The following CNBD1 variants were observed in gnomAD, a reference collection of about 807,000 sequenced individuals.
The protein encoded by CNBD1 is cyclic nucleotide-binding domain-containing protein 1.
CNBD1 carries 71 observed loss-of-function variants against 54.4 expected under a neutral mutation model. The ratio of observed to expected loss-of-function variants is 1.30; its 90% CI spans 1.08 to 1.59. CNBD1 has a LOEUF of 1.59. Among genes scored for constraint, CNBD1 ranks in the 40% most tolerant of loss-of-function variants. The pLI is 0.00. For missense variants in CNBD1, 659 were observed against 518.0 expected (o/e 1.27, Z -2.64); for synonymous variants, 182 against 170.7 (o/e 1.07, Z -0.51).
chr8:87,377,483 C>T (rs1489291388), intron 10 of CNBD1, among the ~76,000 whole-genome samples: 22 of 152,002 alleles, frequency 1.4e-4, no homozygotes, highest in Non-Finnish European at 1.5e-5. Context: ...GACATGAACT[C>T]ATCATTTTGT....
At chr8:87,259,614 C>T (rs1342780037) in intron 6 of CNBD1, among the ~76,000 whole-genome samples, 1 of 152,134 alleles carries the variant, frequency 6.6e-6, no homozygotes, top group Non-Finnish European at 1.5e-5. Flanking sequence ...ATAAACATTA[C>T]ATACACAACA....
chr8:87,067,552 C>T (rs1810679396), intron 4 of CNBD1, among the ~76,000 whole-genome samples: 1 of 151,764 alleles, frequency 6.6e-6, no homozygotes, highest in South Asian at 2.1e-4. Context: ...TTTAATGAAC[C>T]AAATACGGAA....
intron 1 of CNBD1, among the ~76,000 whole-genome samples, chr8:86,868,742 C>T (rs552093762): frequency 3.9e-5 from 6 of 152,210 alleles, no homozygotes; most frequent in South Asian, 2.1e-4. Flanking sequence ...TCTATGTCTT[C>T]GGTGGACAGA....
intron 4 of CNBD1, among the ~76,000 whole-genome samples, chr8:87,120,159 G>A (rs1563476392): frequency 6.6e-6 from 1 of 151,920 alleles, no homozygotes; most frequent in Non-Finnish European, 1.5e-5. Context: ...ATTAGTATTA[G>A]TTCTTTGTAT....
Position 87,080,764 on chromosome 8 carries a change from A to T in CNBD1, c.432-125229A>T, listed in dbSNP as rs111739076. Among the ~76,000 whole-genome samples, 374 of 152,204 alleles carry T rather than the reference A, an allele frequency of 2.5e-3. 4 individuals carry two copies. The highest frequency in any genetic ancestry group is 8.5e-3 in the African/African-American group (354 of 41,540). On this transcript the variant is annotated intron_variant, in intron 4 of 10. Coordinates refer to ENST00000518476, the MANE Select transcript of CNBD1 (RefSeq NM_173538.3). Reference sequence around the variant, plus strand: ...AGATATTGGACTATATACTTCTCTGAGCTAAGGTAGTTTGAGTCTTTCATT... The same window carrying T: ...AGATATTGGACTATATACTTCTCTGTGCTAAGGTAGTTTGAGTCTTTCATT...
chr8:87,215,513 G>A (rs1233779587), intron 5 of CNBD1, among the ~76,000 whole-genome samples: 5 of 151,686 alleles, frequency 3.3e-5, no homozygotes, highest in East Asian at 3.9e-4. Context: ...GTGTGAACCC[G>A]GGAGGCGGAG....
intron 8 of CNBD1, among the ~76,000 whole-genome samples, chr8:87,306,692 A>T (rs1171550764): frequency 2.0e-5 from 3 of 152,052 alleles, no homozygotes; most frequent in Non-Finnish European, 4.4e-5. Flanking sequence ...GTTCTCACCG[A>T]TATGTCGGAA....
At chr8:87,211,571 A>G (rs1814099250) in intron 5 of CNBD1, among the ~76,000 whole-genome samples, 1 of 152,102 alleles carries the variant, frequency 6.6e-6, no homozygotes, top group African/African-American at 2.4e-5. Flanking sequence ...ATAGTGAGTG[A>G]GTTCTCACAA....
intron 4 of CNBD1, among the ~76,000 whole-genome samples, chr8:87,177,435 T>C (rs776622488): frequency 3.3e-5 from 5 of 152,230 alleles, no homozygotes; most frequent in Non-Finnish European, 4.4e-5. Flanking sequence ...CTCTAAGTGA[T>C]GGAAGTATTT....
intron 8 of CNBD1, among the ~76,000 whole-genome samples, chr8:87,345,234 G>C (rs920577328): frequency 1.3e-5 from 2 of 152,106 alleles, no homozygotes; most frequent in African/African-American, 4.8e-5. Context: ...CCTTCCATGT[G>C]TATTTAGATT....
intron 10 of CNBD1, among the ~76,000 whole-genome samples, chr8:87,356,456 G>A (rs1458676233): frequency 6.6e-6 from 1 of 151,800 alleles, no homozygotes; most frequent in Non-Finnish European, 1.5e-5. Flanking sequence ...CTATGCCCTA[G>A]CAAAAATCTT....
At chr8:87,195,010 A>C (rs1036637905) in intron 4 of CNBD1, among the ~76,000 whole-genome samples, 6 of 151,818 alleles carry the variant, frequency 4.0e-5, no homozygotes, top group Admixed American at 3.3e-4. Flanking sequence ...CAGCCTCCCG[A>C]GTAGCTGGGA....
intron 8 of CNBD1, among the ~76,000 whole-genome samples, chr8:87,343,551 T>C (rs145850005): frequency 6.6e-6 from 1 of 152,338 alleles, no homozygotes; most frequent in Non-Finnish European, 1.5e-5. Flanking sequence ...ATGTAACTTA[T>C]AACTATACTC....
chr8:87,115,849 C>T (rs190597757), intron 4 of CNBD1, among the ~76,000 whole-genome samples: 6 of 152,320 alleles, frequency 3.9e-5, no homozygotes, highest in Admixed American at 1.3e-4. Context: ...ATTCACACTG[C>T]TTTTGATTAA....
chr8:86,961,386 T>C (rs966446491), intron 4 of CNBD1, among the ~76,000 whole-genome samples: 4 of 152,154 alleles, frequency 2.6e-5, no homozygotes, highest in African/African-American at 7.2e-5. Context: ...ACATCACAAG[T>C]TAAAACAGGC....
At chr8:86,936,872 G>A (rs753892160) in intron 3 of CNBD1, among the ~76,000 whole-genome samples, 1 of 152,084 alleles carries the variant, frequency 6.6e-6, no homozygotes, top group Non-Finnish European at 1.5e-5. Context: ...ACAGGTAATT[G>A]TGAAAAGCAG....
intron 4 of CNBD1, among the ~76,000 whole-genome samples, chr8:86,974,546 A>G (rs1808297998): frequency 6.6e-6 from 1 of 152,084 alleles, no homozygotes; most frequent in Admixed American, 6.6e-5. Context: ...GCCTATCCAC[A>G]CAATAGAATG....
At position 87,053,755 on chromosome 8, in the gene CNBD1, T is replaced by A. The variant is rs1043457340; in HGVS notation, c.431+114001T>A. Reference sequence around the variant, plus strand: ...ATCCCAGGTCTCCCAGGTATATGGATCCTGGGAAAAAACTGTATAATAGTT... The same window carrying A: ...ATCCCAGGTCTCCCAGGTATATGGAACCTGGGAAAAAACTGTATAATAGTT... On this transcript the variant is annotated intron_variant, in intron 4 of 10. Coordinates refer to ENST00000518476, the MANE Select transcript of CNBD1 (RefSeq NM_173538.3). Among the ~76,000 whole-genome samples, 7 of 152,264 alleles carry A rather than the reference T, an allele frequency of 4.6e-5. No individual in the cohort carries two copies. In the East Asian group the frequency reaches 1.4e-3, roughly 29 times the overall value.
chr8:87,327,078 G>C (rs1459608077), intron 8 of CNBD1, among the ~76,000 whole-genome samples: 1 of 149,094 alleles, frequency 6.7e-6, no homozygotes, highest in Non-Finnish European at 1.5e-5. Context: ...AGGTGTCAGT[G>C]TGCCCCTGCT....
Sources: gnomAD v4.1 joint callset for allele counts (sites outside exome capture counted in the v4.1 genomes callset) on GRCh38, gnomAD v4.1.1 for gene constraint, MANE v1.5 for transcripts, NCBI Gene and HGNC (gene_info 2026-07-23, HGNC 2026-07-21) for gene names.